The following NRXN3 variants were observed in gnomAD, a reference collection of about 807,000 sequenced individuals.
NRXN3 encodes neurexin 3, also known as neurexin III.
NRXN3 carries 32 observed loss-of-function variants against 137.6 expected under a neutral mutation model. The ratio of observed to expected loss-of-function variants is 0.23; its 90% CI spans 0.18 to 0.31. The LOEUF (loss-of-function observed/expected upper bound fraction) is 0.31, where lower values mean the gene tolerates loss of function less well. NRXN3 is among the 10% of genes least tolerant of loss of function. The pLI is 1.00. For synonymous variants in NRXN3, 798 were observed against 784.5 expected (o/e 1.02, Z -0.29); for missense variants, 1,574 against 2,062.5 (o/e 0.76, Z 4.59).
chr14:79,398,408 T>A (rs2095088484), intron 15 of NRXN3, among the ~76,000 whole-genome samples: 1 of 152,170 alleles, frequency 6.6e-6, no homozygotes, highest in South Asian at 2.1e-4. Flanking sequence ...ATGAAACCAT[T>A]TGAACACAAA....
At chr14:79,735,975 A>G (rs1379835543) in intron 19 of NRXN3, among the ~76,000 whole-genome samples, 1 of 152,078 alleles carries the variant, frequency 6.6e-6, no homozygotes, top group Non-Finnish European at 1.5e-5. Context: ...TACCACCCTT[A>G]CTTCTTTTTG....
At chr14:79,402,732 T>G (rs1247592882) in intron 15 of NRXN3, among the ~76,000 whole-genome samples, 1 of 152,184 alleles carries the variant, frequency 6.6e-6, no homozygotes, top group Non-Finnish European at 1.5e-5. Flanking sequence ...TTAAACAGCC[T>G]TTTGATTTGT....
chr14:79,341,180 A>G (rs547245196), intron 15 of NRXN3, among the ~76,000 whole-genome samples: 13 of 152,182 alleles, frequency 8.5e-5, no homozygotes, highest in African/African-American at 3.1e-4. Context: ...AGTCATTATG[A>G]TGCACACCTT....
intron 10 of NRXN3, among the ~76,000 whole-genome samples, chr14:78,854,624 G>A (rs1039006348): frequency 2.6e-5 from 4 of 152,306 alleles, no homozygotes; most frequent in Non-Finnish European, 5.9e-5. Context: ...ATGTGTGTGA[G>A]TGTGTATAAT....
chr14:78,697,061 A>C (rs552010124), intron 6 of NRXN3, among the ~76,000 whole-genome samples: 1 of 152,226 alleles, frequency 6.6e-6, no homozygotes, highest in South Asian at 2.1e-4. Flanking sequence ...GTCATAGACA[A>C]CCATTCGTGA....
At position 79,220,084 on chromosome 14, in the gene NRXN3, C is replaced by G. The variant is rs567557918; in HGVS notation, c.3262+231943C>G. Among the ~76,000 whole-genome samples, 3 of 152,250 alleles carry G rather than the reference C, an allele frequency of 2.0e-5. No homozygotes were observed. The South Asian group carries it at 6.2e-4, about 32-fold the overall frequency. The stretch of plus-strand genomic sequence containing the variant: ...ATAGTTACTAGCTCAAATATCTCTG[C>G]CTTTCACGTTATGTTGGAAAACTGC... On this transcript the variant is annotated intron_variant, in intron 15 of 20. Coordinates refer to ENST00000335750, the MANE Select transcript of NRXN3 (RefSeq NM_001330195.2).
chr14:79,119,078 A>G (rs1283859202), intron 15 of NRXN3, among the ~76,000 whole-genome samples: 1 of 152,198 alleles, frequency 6.6e-6, no homozygotes, highest in Non-Finnish European at 1.5e-5. Context: ...AACTTTATAA[A>G]AGATGGTAAA....
chr14:78,492,363 TA>T (rs35905391), intron 4 of NRXN3, among the ~76,000 whole-genome samples: 1 of 152,142 alleles, frequency 6.6e-6, no homozygotes, highest in East Asian at 1.9e-4. Context: ...CATTATTTCA[TA>T]AAAAAGACAT....
chr14:78,594,511 C>G (rs1326124363), intron 4 of NRXN3, among the ~76,000 whole-genome samples: 1 of 152,196 alleles, frequency 6.6e-6, no homozygotes, highest in Non-Finnish European at 1.5e-5. Context: ...GAGTGATGGT[C>G]AATACAACTA....
chr14:79,576,072 A>G (rs1053295745), intron 16 of NRXN3, among the ~76,000 whole-genome samples: 1 of 152,194 alleles, frequency 6.6e-6, no homozygotes, highest in Non-Finnish European at 1.5e-5. Context: ...AAGAATGTGT[A>G]GTTGCTTTTC....
chr14:79,693,020 C>T (rs1338313300), intron 18 of NRXN3, among the ~76,000 whole-genome samples: 1 of 152,028 alleles, frequency 6.6e-6, no homozygotes, highest in African/African-American at 2.4e-5. Context: ...AAAGGCAAAA[C>T]AGCAGTCTCT....
chr14:79,682,226 T>A (rs1815466895), intron 17 of NRXN3, among the ~76,000 whole-genome samples: 2 of 152,192 alleles, frequency 1.3e-5, no homozygotes, highest in South Asian at 4.1e-4. Flanking sequence ...ACAGCCCCCA[T>A]GCTGATCCAT....
intron 9 of NRXN3, among the ~76,000 whole-genome samples, chr14:78,808,631 T>C (rs1199091422): frequency 6.6e-6 from 1 of 152,048 alleles, no homozygotes; most frequent in Admixed American, 6.5e-5. Context: ...GGCTGTTTGC[T>C]CCCACTTTTC....
intron 19 of NRXN3, among the ~76,000 whole-genome samples, chr14:79,744,918 C>T (rs1180371226): frequency 6.6e-6 from 1 of 151,708 alleles, no homozygotes. Flanking sequence ...CAAATCAGCC[C>T]TATCAGGAGC....
chr14:79,743,061 T>C (rs2098968044), intron 19 of NRXN3, among the ~76,000 whole-genome samples: 1 of 152,212 alleles, frequency 6.6e-6, no homozygotes, highest in Non-Finnish European at 1.5e-5. Flanking sequence ...TATGAGATAA[T>C]GTTAGCCATG....
At chr14:79,390,169 T>G (rs1422062975) in intron 15 of NRXN3, among the ~76,000 whole-genome samples, 1 of 151,576 alleles carries the variant, frequency 6.6e-6, no homozygotes. Flanking sequence ...TACAAAAAAT[T>G]AGGCGGGCGC....
intron 19 of NRXN3, among the ~76,000 whole-genome samples, chr14:79,756,101 C>A (rs1213221405): frequency 6.6e-6 from 1 of 152,162 alleles, no homozygotes; most frequent in African/African-American, 2.4e-5. Flanking sequence ...CTGCTTCAAT[C>A]TGAAAACATA....
intron 15 of NRXN3, among the ~76,000 whole-genome samples, chr14:79,304,258 C>T (rs549476598): frequency 1.3e-5 from 2 of 152,156 alleles, no homozygotes; most frequent in South Asian, 2.1e-4. Flanking sequence ...TACATGGCTG[C>T]TAATCAGTTC....
At chr14:78,812,622 T>C (rs1214079407) in intron 10 of NRXN3, among the ~76,000 whole-genome samples, 3 of 152,206 alleles carry the variant, frequency 2.0e-5, no homozygotes, top group Non-Finnish European at 4.4e-5. Flanking sequence ...GGGAAGATGG[T>C]GACACAGATG....
Sources: allele counts gnomAD v4.1 joint callset (sites outside exome capture counted in the v4.1 genomes callset), GRCh38; gene constraint gnomAD v4.1.1; transcripts MANE v1.5; gene names NCBI Gene and HGNC (gene_info 2026-07-23, HGNC 2026-07-21).